GRID2: variants seen among roughly 807,000 people sequenced by gnomAD.
GRID2 encodes the protein glutamate receptor ionotropic, delta-2.
In GRID2, 33 loss-of-function variants were observed where a neutral mutation model predicts 114.8. That is an observed-to-expected ratio of 0.29 (90% confidence interval 0.22 to 0.38). The LOEUF is 0.38. GRID2 is among the 10% of genes least tolerant of loss of function. The pLI is 1.00. For missense variants in GRID2, 1,184 were observed against 1,257.7 expected (o/e 0.94, Z 0.89); for synonymous variants, 505 against 449.9 (o/e 1.12, Z -1.55).
intron 14 of GRID2, among the ~76,000 whole-genome samples, chr4:93,740,071 G>A (rs1211620614): frequency 3.9e-5 from 6 of 152,222 alleles, no homozygotes; most frequent in Non-Finnish European, 8.8e-5. Flanking sequence ...AGAAGACGGT[G>A]GTCCCATGAG....
chr4:93,745,278 G>A (rs1328402395), intron 14 of GRID2, among the ~76,000 whole-genome samples: 1 of 152,058 alleles, frequency 6.6e-6, no homozygotes, highest in Admixed American at 6.6e-5. Flanking sequence ...TGTAAACAAT[G>A]TGAACTACAT....
chr4:92,776,171 C>T (rs1738783352), intron 2 of GRID2, among the ~76,000 whole-genome samples: 1 of 151,974 alleles, frequency 6.6e-6, no homozygotes, highest in Non-Finnish European at 1.5e-5. Flanking sequence ...GAAATATGTT[C>T]AGTGCCATGT....
intron 13 of GRID2, among the ~76,000 whole-genome samples, chr4:93,614,540 C>A (rs1453044168): frequency 1.3e-5 from 2 of 151,760 alleles, no homozygotes; most frequent in African/African-American, 4.8e-5. Context: ...ATGAAATAGT[C>A]ATTTATTTAA....
intron 8 of GRID2, chr4:93,258,956 A>C (rs1749933916): frequency 2.2e-6 from 1 of 455,380 alleles, no homozygotes; most frequent in Non-Finnish European, 4.4e-6. Flanking sequence ...GAGGAATATT[A>C]ATAAGGACTG....
chr4:92,479,086 C>T (rs1441744430), intron 1 of GRID2, among the ~76,000 whole-genome samples: 1 of 151,954 alleles, frequency 6.6e-6, no homozygotes, highest in Non-Finnish European at 1.5e-5. Context: ...AAAGCTAATA[C>T]AATTTAGATA....
chr4:93,164,832 G>A (rs1451068330), intron 4 of GRID2: 1 of 351,246 alleles, frequency 2.8e-6, no homozygotes, highest in Non-Finnish European at 6.0e-6. Context: ...AGTAAATAAA[G>A]TAAGCTTTGA....
At chr4:93,356,544 G>A (rs1761352998) in intron 8 of GRID2, among the ~76,000 whole-genome samples, 1 of 151,528 alleles carries the variant, frequency 6.6e-6, no homozygotes, top group Admixed American at 6.6e-5. Context: ...CTTACTTCAT[G>A]TATTTTTATT....
chr4:92,754,967 T>A (rs1349321964), intron 2 of GRID2, among the ~76,000 whole-genome samples: 1 of 152,216 alleles, frequency 6.6e-6, no homozygotes. Flanking sequence ...TCTGTGCGTG[T>A]GCATACATGT....
chr4:93,129,148 C>T (rs1734564610), intron 4 of GRID2, among the ~76,000 whole-genome samples: 1 of 152,094 alleles, frequency 6.6e-6, no homozygotes, highest in South Asian at 2.1e-4. Context: ...ATAGCTTAAC[C>T]ACACACCACA....
chr4:92,421,194 A>G (rs1579331014), intron 1 of GRID2, among the ~76,000 whole-genome samples: 1 of 151,792 alleles, frequency 6.6e-6, no homozygotes, highest in East Asian at 1.9e-4. Context: ...GGTTATTTAA[A>G]TTATTTGTTT....
intron 14 of GRID2, among the ~76,000 whole-genome samples, chr4:93,711,276 T>C (rs1175121210): frequency 6.6e-6 from 1 of 152,160 alleles, no homozygotes; most frequent in African/African-American, 2.4e-5. Flanking sequence ...CCAAGGGCTT[T>C]TTAGTCAGCA....
At chr4:92,364,318 G>A (rs1324470308) in intron 1 of GRID2, among the ~76,000 whole-genome samples, 1 of 152,032 alleles carries the variant, frequency 6.6e-6, no homozygotes, top group African/African-American at 2.4e-5. Flanking sequence ...AGTTGAGTGA[G>A]TTCAAGATGT....
At chr4:93,677,620 C>G (rs899452867) in intron 14 of GRID2, among the ~76,000 whole-genome samples, 2 of 152,108 alleles carry the variant, frequency 1.3e-5, no homozygotes, top group African/African-American at 2.4e-5. Flanking sequence ...ATTCGCAGTT[C>G]ATGAAAATCC....
intron 8 of GRID2, among the ~76,000 whole-genome samples, chr4:93,321,011 A>G (rs1757151429): frequency 6.6e-6 from 1 of 152,062 alleles, no homozygotes; most frequent in African/African-American, 2.4e-5. Flanking sequence ...AGCACTCCAA[A>G]GATAGATGTC....
At chr4:93,727,175 A>G (rs551631304) in intron 14 of GRID2, among the ~76,000 whole-genome samples, 7 of 152,232 alleles carry the variant, frequency 4.6e-5, no homozygotes, top group African/African-American at 1.4e-4. Flanking sequence ...TACCTAATTT[A>G]TTGAGAGTTT....
intron 2 of GRID2, among the ~76,000 whole-genome samples, chr4:93,061,798 A>G (rs1001225552): frequency 2.6e-5 from 4 of 152,158 alleles, no homozygotes; most frequent in African/African-American, 9.7e-5. Context: ...AAGCACCCAG[A>G]AAGTGTATGA....
At chr4:93,771,102 T>A (rs916214311) in intron 15 of GRID2, among the ~76,000 whole-genome samples, 3 of 152,206 alleles carry the variant, frequency 2.0e-5, no homozygotes, top group African/African-American at 4.8e-5. Flanking sequence ...TTAATAGATA[T>A]CTTAAATTCT....
chr4:92,338,674 C>T (rs564661059), intron 1 of GRID2, among the ~76,000 whole-genome samples: 3 of 152,086 alleles, frequency 2.0e-5, no homozygotes, highest in South Asian at 2.1e-4. Flanking sequence ...ATAAAACTTA[C>T]GTCTATGTTC....
chr4:92,977,622 G>A (rs1402078390), intron 2 of GRID2, among the ~76,000 whole-genome samples: 2 of 152,122 alleles, frequency 1.3e-5, no homozygotes, highest in African/African-American at 4.8e-5. Flanking sequence ...ACAATTTGAA[G>A]AATCAATTGT....
Sources: allele counts gnomAD v4.1 joint callset (sites outside exome capture counted in the v4.1 genomes callset), GRCh38; gene constraint gnomAD v4.1.1; transcripts MANE v1.5; gene names NCBI Gene and HGNC (gene_info 2026-07-23, HGNC 2026-07-21).